The following TBX3 variants were observed in gnomAD, a reference collection of about 807,000 sequenced individuals.
TBX3 encodes the protein T-box transcription factor TBX3.
TBX3 carries 11 observed loss-of-function variants against 47.8 expected under a neutral mutation model. The observed-to-expected ratio is 0.23, with a 90% confidence interval of 0.14 to 0.38. The LOEUF (loss-of-function observed/expected upper bound fraction) is 0.38, where lower values mean the gene tolerates loss of function less well. Among genes scored for constraint, TBX3 ranks in the 10% least tolerant of loss-of-function variants. TBX3 has a pLI of 1.00. For synonymous variants in TBX3, 500 were observed against 449.3 expected (o/e 1.11, Z -1.43); for missense variants, 927 against 1,022.8 (o/e 0.91, Z 1.28).
At chr12:114,675,889 C>A (rs554027735) in intron 5 of TBX3, among the ~76,000 whole-genome samples, 12 of 152,234 alleles carry the variant, frequency 7.9e-5, no homozygotes, top group East Asian at 1.9e-4. Context: ...GCTTCCCCCC[C>A]ACCCAGTCCA....
rs553370331 is a variant in TBX3 at position 114,677,507 on chromosome 12, C to T, written c.881+73G>A. ...TAGGATAAGTGCCTGCATCTCACTTCTAACACTTCAGAGTTGGATCCTAAA... is the reference window on the plus strand; with the variant it reads ...TAGGATAAGTGCCTGCATCTCACTTTTAACACTTCAGAGTTGGATCCTAAA... On this transcript the variant is annotated intron_variant, in intron 4 of 6. Transcript: ENST00000349155. 6.8e-6 allele frequency: 10 copies of T among 1,464,062 alleles called. No individual in the cohort carries two copies. The East Asian group carries it at 2.3e-4, about 34-fold the overall frequency. The allele number at this position is 1,464,062 out of a possible 1,614,324, so 90.7% of individuals were successfully genotyped here. A position where few individuals can be genotyped will look rare whatever the true frequency, so the allele number is the denominator to read the frequency against.
chr12:114,680,954 C>T lies in TBX3; in HGVS notation c.582G>A (p.Gly194=), dbSNP rs772135214. The change falls in exon 2 of 7, where the codon GGG becomes GGA. Residue 194 remains glycine (G), a synonymous_variant. Coordinates refer to ENST00000349155, the MANE Select transcript of TBX3 (RefSeq NM_005996.4). ...TGACGACTTTGGACATCCACTGTTC[C>T]CCAGTAGCGGGGCTGTCCGGGTGAA... is the stretch of plus-strand genomic sequence containing the variant. ...MYIHPDSPAT[G]EQWMSKVVTF... is the part of the protein sequence containing the mutation. 5.0e-6 allele frequency: 8 copies of T among 1,613,780 alleles called. No homozygotes were observed. In the Admixed American group the frequency reaches 1.3e-4, roughly 27 times the overall value.
intron 4 of TBX3, 53 bp downstream of exon 4, chr12:114,677,527 C>A: frequency 6.4e-7 from 1 of 1,565,854 alleles, no homozygotes; most frequent in Admixed American, 1.7e-5. Context: ...AGAGTTGGAT[C>A]CTAAAAAAAG....
At chr12:114,682,179 T>G (rs1447280380) in intron 1 of TBX3, among the ~76,000 whole-genome samples, 1 of 152,234 alleles carries the variant, frequency 6.6e-6, no homozygotes, top group African/African-American at 2.4e-5. Context: ...GTCTCCTCAC[T>G]GGCTCCTTAA....
At chr12:114,679,859 GC>G (rs34845536) in intron 2 of TBX3, 126 of 1,590,458 alleles carry the variant, frequency 7.9e-5, no homozygotes, top group South Asian at 2.5e-4. Flanking sequence ...TTGCCAAAGG[GC>G]CCCCCCCACC....
In TBX3 at chr12:114,683,211, C is replaced by T. The variant is rs760488325; in HGVS notation, c.-11G>A. On this transcript the variant is annotated 5_prime_UTR_variant, in exon 1 of 7. Transcript: ENST00000349155. The surrounding 1 kb of genome is among the most constrained non-coding windows in gnomAD (Gnocchi z 7.7). Reference sequence around the variant, plus strand: ...CATGGAGAGGCTCATCCACTCCAGGCGGGGCGCTGGGCTCCAGCCGGGGAC... The same window carrying T: ...CATGGAGAGGCTCATCCACTCCAGGTGGGGCGCTGGGCTCCAGCCGGGGAC... The T allele has an allele frequency of 1.9e-6, 3 of 1,607,692 alleles. No individual in the cohort carries two copies. Among genetic ancestry groups the T allele is most frequent in the Non-Finnish European group, 2.6e-6 (3 of 1,176,398 alleles).
chr12:114,675,237 C>T (rs1868655570), intron 5 of TBX3, among the ~76,000 whole-genome samples: 1 of 152,208 alleles, frequency 6.6e-6, no homozygotes, highest in Non-Finnish European at 1.5e-5. Flanking sequence ...TTAAAACTCA[C>T]AGCTGGAACA....
At chr12:114,676,591 C>G (rs746688049) in intron 4 of TBX3, 121 bp from the exon 5 acceptor site, 1 of 1,323,026 alleles carries the variant, frequency 7.6e-7, no homozygotes, top group Non-Finnish European at 1.1e-6. Flanking sequence ...CCAGGGACAA[C>G]GCTAATTCAC....
At position 114,683,075 on chromosome 12, in the gene TBX3, G is replaced by C. The variant is rs770418304; in HGVS notation, c.126C>G (p.Pro42=). 1 of 1,610,830 alleles carries C rather than the reference G, an allele frequency of 6.2e-7. No individual in the cohort carries two copies. Residue 42 remains proline, a synonymous_variant, in exon 1 of 7, where the codon CCC becomes CCG. Coordinates refer to ENST00000349155, the MANE Select transcript of TBX3 (RefSeq NM_005996.4). This position sits in a 1 kb window ranked among gnomAD's most constrained non-coding sequence, Gnocchi z 7.7. ...AVLGHQPPFF[P]ALTLPPNGAA... ...CGCCGTTGGGAGGCAGCGTCAGCGC[G>C]GGGAAGAACGGCGGCTGGTGACCCA...
rs1390527112 is a variant in TBX3 at position 114,675,654 on chromosome 12, G to A, written c.1039+659C>T. Among the ~76,000 whole-genome samples the A allele has an allele frequency of 4.1e-5, 6 of 147,310 alleles. No individual in the cohort carries two copies. The South Asian group carries it at 6.3e-4, about 15-fold the overall frequency. On this transcript the variant is annotated intron_variant, in intron 5 of 6. Coordinates refer to ENST00000349155, the MANE Select transcript of TBX3 (RefSeq NM_005996.4). ...TGAGAGTGTGTGTGTGTGTGTGTGT[G>A]TGTGTGTGTGTGTGTGTGTGTCTTT...
At chr12:114,676,640 G>T (rs2121389578) in intron 4 of TBX3, among the ~76,000 whole-genome samples, 170 bp from the exon 5 acceptor site, 1 of 152,328 alleles carries the variant, frequency 6.6e-6, no homozygotes, top group African/African-American at 2.4e-5. Context: ...ATAGACCCAA[G>T]CTTTGTCCTT....
intron 2 of TBX3, chr12:114,679,887 C>T (rs774053708): frequency 1.2e-5 from 19 of 1,612,610 alleles, no homozygotes; most frequent in Non-Finnish European, 1.4e-5. Context: ...ATCTAAGGAT[C>T]ATTCATACCT....
Position 114,683,283 on chromosome 12 carries a change from A to G in TBX3, c.-83T>C. 1 of 1,552,096 alleles carries G rather than the reference A, an allele frequency of 6.4e-7. No homozygotes were observed. The highest frequency in any genetic ancestry group is 8.7e-7 in the Non-Finnish European group (1 of 1,144,200). On this transcript the variant is annotated 5_prime_UTR_variant, in exon 1 of 7. Coordinates refer to ENST00000349155, the MANE Select transcript of TBX3 (RefSeq NM_005996.4). The surrounding 1 kb of genome is among the most constrained non-coding windows in gnomAD (Gnocchi z 7.7). ...TGTTGTTTTTTTGTTGTTGTTTAAC[A>G]GCAGCACATAATTCAAAAGGGGGGA... is the stretch of plus-strand genomic sequence containing the variant.
chr12:114,675,664 G>T (rs930878796), intron 5 of TBX3, among the ~76,000 whole-genome samples: 1 of 89,962 alleles, frequency 1.1e-5, no homozygotes, highest in Admixed American at 1.1e-4. Flanking sequence ...GTGTGTGTGT[G>T]TGTGTGTGTG....
In TBX3 at chr12:114,674,548, C is replaced by T. The variant is rs1868614070; in HGVS notation, c.1327G>A (p.Ala443Thr). Reference sequence around the variant, plus strand: ...CGCGCCTCTTCCACCTTGGCCGGCGCTGTGCCCTCGCGAACCGGGCTCCTG... The same window carrying T: ...CGCGCCTCTTCCACCTTGGCCGGCGTTGTGCCCTCGCGAACCGGGCTCCTG... Reference protein sequence around the residue: ...ERRSPVREGTAPAKVEEARAL... With the variant: ...ERRSPVREGTTPAKVEEARAL... The change falls in exon 6 of 7, where the codon GCG becomes ACG. Residue 443 changes from alanine to threonine, a missense_variant. Physicochemically the swap from Ala to Thr is moderately conservative, Grantham distance 58 (BLOSUM62 0). Around this residue, in one of 5 missense-constraint regions of TBX3, gnomAD observed 623 missense variants for 569.0 expected, o/e 1.09. Coordinates refer to ENST00000349155, the MANE Select transcript of TBX3 (RefSeq NM_005996.4). 1.9e-6 allele frequency: 3 copies of T among 1,552,150 alleles called. No individual in the cohort carries two copies. Among genetic ancestry groups the T allele is most frequent in the South Asian group, 2.4e-5 (2 of 83,252 alleles).
rs545334552 is a variant in TBX3 at position 114,677,157 on chromosome 12, C to T, written c.881+423G>A. 5.3e-5 allele frequency among the ~76,000 whole-genome samples: 8 copies of T among 152,262 alleles called. No individual in the cohort carries two copies. The East Asian group carries it at 7.7e-4, about 15-fold the overall frequency. ...TAATGCAAAATGATACATGTCCCCA[C>T]GAAGGAGGGAGAGAGCCATACATCT... On this transcript the variant is annotated intron_variant, in intron 4 of 6. Coordinates refer to ENST00000349155, the MANE Select transcript of TBX3 (RefSeq NM_005996.4).
At chr12:114,679,431 T>G (rs1319637242) in intron 3 of TBX3, 74 bp downstream of exon 3, 2 of 1,599,320 alleles carry the variant, frequency 1.3e-6, no homozygotes, top group East Asian at 4.5e-5. Context: ...TGTAACTTTC[T>G]CATCCTGACT....
Position 114,674,570 on chromosome 12 carries a change from C to A in TBX3, c.1305G>T (p.Arg435Ser). Reference protein sequence around the residue: ...STRGLGAEERRSPVREGTAPA... With the variant: ...STRGLGAEERSSPVREGTAPA... ...GCGCTGTGCCCTCGCGAACCGGGCT[C>A]CTGCGCTCCTCCGCGCCCAGGCCGC... Residue 435 changes from arginine (R) to serine (S), a missense_variant, in exon 6 of 7, where the codon AGG becomes AGT. Physicochemically the swap from Arg to Ser is moderately radical, Grantham distance 110. Around this residue, in one of 5 missense-constraint regions of TBX3, gnomAD observed 623 missense variants for 569.0 expected, o/e 1.09. Transcript: ENST00000349155. The A allele has an allele frequency of 6.3e-7, 1 of 1,576,664 alleles. No individual in the cohort carries two copies. The highest frequency in any genetic ancestry group is 8.6e-7 in the Non-Finnish European group (1 of 1,164,530).
chr12:114,674,175 A>T lies in TBX3; in HGVS notation c.1700T>A (p.Leu567Gln). Residue 567 changes from leucine to glutamine, a missense_variant, in exon 6 of 7, where the codon CTG (leucine) becomes CAG (glutamine). By Grantham distance (113) the Leu-to-Gln change is moderately radical. This residue lies in a region of TBX3 where 623 missense variants were observed against 569.0 expected (regional missense o/e 1.09). Transcript: ENST00000349155. ...AAGAAGGATCCATACCTGAGAGGCC[A>T]GGACGTGCTGCTGGAGGTGGAAGGG... ...TLPFHLQQHV[L>Q]ASQGLAMSPF... The T allele has an allele frequency of 6.3e-7, 1 of 1,583,522 alleles. No homozygotes were observed.
Sources: gnomAD v4.1 joint callset for allele counts (sites outside exome capture counted in the v4.1 genomes callset) on GRCh38, gnomAD v4.1.1 for gene constraint, gnomAD v4.1.1 regional missense constraint, Gnocchi (gnomAD v3.1) non-coding constraint, MANE v1.5 for transcripts, NCBI Gene and HGNC (gene_info 2026-07-23, HGNC 2026-07-21) for gene names.